SHANK2: variants seen among roughly 807,000 people sequenced by gnomAD.
SHANK2 encodes the protein SH3 and multiple ankyrin repeat domains 2.
In SHANK2, 43 loss-of-function variants were observed where a neutral mutation model predicts 133.7. The observed-to-expected ratio is 0.32, with a 90% CI of 0.25 to 0.41. SHANK2 has a LOEUF of 0.41. SHANK2 is among the 10% of genes least tolerant of loss of function. The pLI, the probability that SHANK2 is intolerant of heterozygous loss-of-function variation, is 1.00. For missense variants in SHANK2, 1,994 were observed against 2,235.8 expected (o/e 0.89, Z 2.18); for synonymous variants, 1,017 against 952.8 (o/e 1.07, Z -1.24).
chr11:71,128,361 A>T (rs1952231089), intron 3 of SHANK2, among the ~76,000 whole-genome samples: 1 of 152,172 alleles, frequency 6.6e-6, no homozygotes, highest in Non-Finnish European at 1.5e-5. Context: ...AAGACACAGA[A>T]AACCTGCAAA....
At chr11:70,781,906 T>G (rs1269383532) in intron 14 of SHANK2, among the ~76,000 whole-genome samples, 3 of 151,802 alleles carry the variant, frequency 2.0e-5, no homozygotes, top group Non-Finnish European at 4.4e-5. Flanking sequence ...ATGTGGCACA[T>G]GTACACCATG....
chr11:71,070,368 A>C (rs1397317381), intron 9 of SHANK2, among the ~76,000 whole-genome samples: 1 of 152,252 alleles, frequency 6.6e-6, no homozygotes, highest in Non-Finnish European at 1.5e-5. Context: ...CAACCAGTCC[A>C]GAGCCTATGA....
In SHANK2 at chr11:70,676,130, C is replaced by T. The variant is rs545168313; in HGVS notation, c.1854-14452G>A. Among the ~76,000 whole-genome samples the T allele has an allele frequency of 4.6e-5, 7 of 152,252 alleles. 1 individual carries two copies. Among genetic ancestry groups the T allele is most frequent in the South Asian group, 4.1e-4 (2 of 4,832 alleles). ...AAGAGGACCTTAATGCTGTCCCTCA[C>T]GTGACACTGTGTGCTTAGAGGGAGG... On this transcript the variant is annotated intron_variant, in intron 15 of 25. Transcript: ENST00000601538.
intron 15 of SHANK2, among the ~76,000 whole-genome samples, chr11:70,678,334 T>C (rs184082265): frequency 2.0e-5 from 3 of 151,798 alleles, no homozygotes; most frequent in African/African-American, 7.2e-5. Flanking sequence ...GGGTCTCGCT[T>C]TGTTGCCCAG....
chr11:70,519,777 C>T (rs1189480028), intron 17 of SHANK2, among the ~76,000 whole-genome samples: 2 of 152,040 alleles, frequency 1.3e-5, no homozygotes, highest in Admixed American at 6.6e-5. Context: ...ATTCTGTTAC[C>T]TGGGCTGGAG....
chr11:70,638,122 A>T (rs2061129787), intron 17 of SHANK2, among the ~76,000 whole-genome samples: 1 of 152,240 alleles, frequency 6.6e-6, no homozygotes, highest in Non-Finnish European at 1.5e-5. Context: ...TCCTGCAAAG[A>T]AGTTGATCCC....
chr11:70,614,273 A>G (rs1018807418), intron 17 of SHANK2, among the ~76,000 whole-genome samples: 3 of 151,064 alleles, frequency 2.0e-5, no homozygotes, highest in Non-Finnish European at 2.9e-5. Context: ...ATCCAATGAC[A>G]CAGTAAAAGT....
chr11:71,116,521 T>C (rs1951982508), intron 4 of SHANK2, among the ~76,000 whole-genome samples: 1 of 152,194 alleles, frequency 6.6e-6, no homozygotes, highest in African/African-American at 2.4e-5. Flanking sequence ...GCCCAGGAGC[T>C]TGTGGCTGCT....
chr11:70,509,263 T>G (rs1554968909), intron 17 of SHANK2, among the ~76,000 whole-genome samples: 1 of 152,220 alleles, frequency 6.6e-6, no homozygotes, highest in Non-Finnish European at 1.5e-5. Flanking sequence ...CACCTGCCCC[T>G]GCAGCACCAG....
chr11:70,947,222 A>C (rs1161121564), intron 10 of SHANK2, among the ~76,000 whole-genome samples: 2 of 151,492 alleles, frequency 1.3e-5, no homozygotes, highest in Non-Finnish European at 2.9e-5. Flanking sequence ...ACAGCCCTGC[A>C]GTACCCAAAT....
rs540022343 is a variant in SHANK2 at position 70,645,719 on chromosome 11, G to A, written c.2061+14109C>T. ...TCAGTGGCCGACACCTCACAGTTTC[G>A]CTTCAGTCCAGCAGCAGACTGGGGA... On this transcript the variant is annotated intron_variant, in intron 17 of 25. Transcript: ENST00000601538. Among the ~76,000 whole-genome samples the A allele has an allele frequency of 2.0e-4, 31 of 152,196 alleles. No homozygotes were observed. The East Asian group carries it at 3.3e-3, about 16-fold the overall frequency.
At chr11:70,776,356 T>C (rs999572125) in intron 14 of SHANK2, among the ~76,000 whole-genome samples, 3 of 152,180 alleles carry the variant, frequency 2.0e-5, no homozygotes, top group Non-Finnish European at 4.4e-5. Flanking sequence ...ACTTGGGGGA[T>C]AGGACAGGCA....
At chr11:71,086,522 TA>T (rs1366333734) in intron 8 of SHANK2, among the ~76,000 whole-genome samples, 1 of 141,066 alleles carries the variant, frequency 7.1e-6, no homozygotes, top group East Asian at 2.0e-4. Context: ...ATATAATATA[TA>T]ATATAAATAT....
chr11:71,182,936 C>T (rs1474662131), intron 2 of SHANK2, among the ~76,000 whole-genome samples: 1 of 152,172 alleles, frequency 6.6e-6, no homozygotes, highest in African/African-American at 2.4e-5. Context: ...GGAATCAGGG[C>T]TCAGTAAACC....
chr11:70,651,783 A>G (rs2061342390), intron 17 of SHANK2, among the ~76,000 whole-genome samples: 1 of 152,228 alleles, frequency 6.6e-6, no homozygotes, highest in Non-Finnish European at 1.5e-5. Flanking sequence ...CCCTGGCTGA[A>G]GAATTCAGCA....
chr11:70,591,934 G>A (rs1786609), intron 17 of SHANK2, among the ~76,000 whole-genome samples: 3 of 152,068 alleles, frequency 2.0e-5, no homozygotes, highest in Middle Eastern at 3.4e-3. Flanking sequence ...CAGGAGAACC[G>A]CTGAAACCGG....
At chr11:70,849,025 G>A (rs1949043203) in intron 11 of SHANK2, among the ~76,000 whole-genome samples, 1 of 152,158 alleles carries the variant, frequency 6.6e-6, no homozygotes, top group South Asian at 2.1e-4. Context: ...GGTGCCCAGG[G>A]ATGCTGGCTG....
At chr11:70,508,377 T>C (rs1554968789) in intron 17 of SHANK2, among the ~76,000 whole-genome samples, 1 of 152,234 alleles carries the variant, frequency 6.6e-6, no homozygotes, top group Non-Finnish European at 1.5e-5. Flanking sequence ...GGCTAAGTCC[T>C]GGGGCGGGGC....
intron 2 of SHANK2, among the ~76,000 whole-genome samples, chr11:71,172,553 G>A (rs1195555689): frequency 4.3e-5 from 6 of 140,834 alleles, no homozygotes; most frequent in East Asian, 2.1e-4. Flanking sequence ...AGCTGAGATC[G>A]CACCACTGCA....
Sources: allele counts gnomAD v4.1 joint callset (sites outside exome capture counted in the v4.1 genomes callset), GRCh38; gene constraint gnomAD v4.1.1; transcripts MANE v1.5; gene names NCBI Gene and HGNC (gene_info 2026-07-23, HGNC 2026-07-21).